PHTF2: variants seen among roughly 807,000 people sequenced by gnomAD.
The protein encoded by PHTF2 is protein PHTF2.
Under a neutral mutation model 101.2 loss-of-function variants are expected in PHTF2, and 60 were observed. The ratio of observed to expected loss-of-function variants is 0.59; its 90% CI spans 0.48 to 0.73. The LOEUF is 0.73. PHTF2 is among the 30% of genes least tolerant of loss of function. The pLI, the probability that PHTF2 is intolerant of heterozygous loss-of-function variation, is 0.00. For synonymous variants in PHTF2, 311 were observed against 307.3 expected (o/e 1.01, Z -0.13); for missense variants, 747 against 908.7 (o/e 0.82, Z 2.29).
intron 3 of PHTF2, among the ~76,000 whole-genome samples, chr7:77,891,209 T>TA (rs1382181197): frequency 6.6e-6 from 1 of 152,074 alleles, no homozygotes; most frequent in Admixed American, 6.6e-5. Flanking sequence ...ATACCCAGCC[T>TA]AAAAAAATAA....
At chr7:77,842,132 A>G (rs562206393) in intron 2 of PHTF2, among the ~76,000 whole-genome samples, 1 of 152,330 alleles carries the variant, frequency 6.6e-6, no homozygotes, top group South Asian at 2.1e-4. Flanking sequence ...TGCAACCAAA[A>G]TATTCTCCAG....
At chr7:77,954,365 C>G (rs951498719) in intron 19 of PHTF2, among the ~76,000 whole-genome samples, 2 of 152,030 alleles carry the variant, frequency 1.3e-5, no homozygotes, top group African/African-American at 4.8e-5. Context: ...AACTCCTGAC[C>G]TCAAGTGATA....
At chr7:77,949,811 C>T in exon 17 of PHTF2, 1 of 1,509,338 alleles carries the variant, frequency 6.6e-7, no homozygotes. Flanking sequence ...TATAGTAATA[C>T]CTCAATATTA....
At chr7:77,926,392 C>G (rs1804004923) in intron 11 of PHTF2, among the ~76,000 whole-genome samples, 1 of 152,090 alleles carries the variant, frequency 6.6e-6, no homozygotes, top group Admixed American at 6.5e-5. Flanking sequence ...TTTGTTTTTA[C>G]TTATTAATCA....
intron 2 of PHTF2, among the ~76,000 whole-genome samples, chr7:77,843,067 GT>G (rs1003534914): frequency 2.0e-5 from 3 of 152,064 alleles, no homozygotes; most frequent in Non-Finnish European, 4.4e-5. Flanking sequence ...TGCCTGCCTT[GT>G]TTTTTCTTGG....
At chr7:77,920,551 C>A in intron 10 of PHTF2, 86 bp downstream of exon 9, 2 of 902,422 alleles carry the variant, frequency 2.2e-6, no homozygotes, top group South Asian at 1.5e-5. Flanking sequence ...TGCCCTTGAA[C>A]TAAGTATTTT....
At chr7:77,817,465 TC>T (rs764297944) in intron 1 of PHTF2, among the ~76,000 whole-genome samples, 22 of 152,158 alleles carry the variant, frequency 1.4e-4, no homozygotes, top group Non-Finnish European at 2.4e-4. Context: ...AGCAAACACA[TC>T]CTTCTTCACA....
intron 1 of PHTF2, among the ~76,000 whole-genome samples, chr7:77,808,061 A>G (rs1290052303): frequency 1.3e-5 from 2 of 152,160 alleles, no homozygotes; most frequent in African/African-American, 2.4e-5. Flanking sequence ...CTTTATACCA[A>G]TATCACACTG....
intron 3 of PHTF2, among the ~76,000 whole-genome samples, chr7:77,866,368 G>A (rs1025712212): frequency 3.9e-5 from 6 of 152,080 alleles, no homozygotes; most frequent in African/African-American, 1.2e-4. Flanking sequence ...ATTTTCCAGT[G>A]CAAATAATGT....
intron 1 of PHTF2, among the ~76,000 whole-genome samples, chr7:77,810,175 G>A (rs937634041): frequency 2.6e-5 from 4 of 151,474 alleles, no homozygotes; most frequent in African/African-American, 2.4e-5. Flanking sequence ...TTTCTTTCTC[G>A]ATATATATAT....
intron 19 of PHTF2, among the ~76,000 whole-genome samples, chr7:77,954,612 GTATATATATATATA>G (rs66540211): frequency 5.8e-4 from 52 of 90,204 alleles, no homozygotes; most frequent in South Asian, 1.3e-3. Flanking sequence ...CAAGTACTGT[GTATATATATATATA>G]TATATATATA....
chr7:77,898,047 A>G (rs1235168996), intron 5 of PHTF2, among the ~76,000 whole-genome samples: 1 of 151,460 alleles, frequency 6.6e-6, no homozygotes, highest in African/African-American at 2.4e-5. Context: ...TAGAGGGAAA[A>G]TTTTATTGAA....
chr7:77,941,819 G>A (rs868144056), intron 15 of PHTF2, among the ~76,000 whole-genome samples: 33 of 152,134 alleles, frequency 2.2e-4, no homozygotes, highest in African/African-American at 7.5e-4. Flanking sequence ...TCTTCAGTCT[G>A]CCACCAGTGA....
At chr7:77,857,091 A>T (rs1037194520) in intron 3 of PHTF2, among the ~76,000 whole-genome samples, 23 of 152,288 alleles carry the variant, frequency 1.5e-4, no homozygotes, top group African/African-American at 5.3e-4. Context: ...AAGGCCAGAG[A>T]TGGTTCTTCA....
At chr7:77,881,243 T>C (rs1217348860) in intron 3 of PHTF2, among the ~76,000 whole-genome samples, 1 of 152,246 alleles carries the variant, frequency 6.6e-6, no homozygotes, top group Non-Finnish European at 1.5e-5. Flanking sequence ...TGTTTAGCCT[T>C]AATTAGTATA....
chr7:77,938,616 A>G (rs1041108926), intron 13 of PHTF2, among the ~76,000 whole-genome samples: 4 of 151,826 alleles, frequency 2.6e-5, no homozygotes, highest in Non-Finnish European at 4.4e-5. Flanking sequence ...TCTCTACTAA[A>G]AATACAAAAA....
At chr7:77,912,451 C>T (rs1802482951) in intron 9 of PHTF2, among the ~76,000 whole-genome samples, 1 of 152,068 alleles carries the variant, frequency 6.6e-6, no homozygotes, top group Non-Finnish European at 1.5e-5. Flanking sequence ...AAACTAAGCA[C>T]TTATCAACTA....
At chr7:77,807,358 A>C (rs766011622) in intron 1 of PHTF2, among the ~76,000 whole-genome samples, 2 of 150,710 alleles carry the variant, frequency 1.3e-5, no homozygotes, top group Non-Finnish European at 2.9e-5. Context: ...CATCTTCATC[A>C]ATATTTATTT....
At chr7:77,879,103 T>TGAGGGACC in intron 3 of PHTF2, among the ~76,000 whole-genome samples, 2 of 152,236 alleles carry the variant, frequency 1.3e-5, no homozygotes, top group Admixed American at 6.5e-5. Flanking sequence ...AGTTTCCTAT[T>TGAGGGACC]CCTGTACATT....
Sources: allele counts gnomAD v4.1 joint callset (sites outside exome capture counted in the v4.1 genomes callset), GRCh38; gene constraint gnomAD v4.1.1; transcripts MANE v1.5; gene names NCBI Gene and HGNC (gene_info 2026-07-23, HGNC 2026-07-21).